Variants in ZNF202 observed in about 807,000 individuals in gnomAD.
The protein encoded by ZNF202 is zinc finger protein with KRAB and SCAN domains 10.
In ZNF202, 22 loss-of-function variants were observed where a neutral mutation model predicts 54.5. That is an observed-to-expected ratio of 0.40 (90% CI 0.29 to 0.58). The LOEUF (loss-of-function observed/expected upper bound fraction) is 0.58, where lower values mean the gene tolerates loss of function less well. Among genes scored for constraint, ZNF202 ranks in the 20% least tolerant of loss-of-function variants. The pLI is 0.39. For missense variants in ZNF202, 644 were observed against 805.5 expected, an observed-to-expected ratio of 0.80 and a Z score of 2.43; for synonymous variants, 294 against 301.4, an observed-to-expected ratio of 0.98 and a Z score of 0.26.
At chr11:123,728,301 C>A in intron 6 of ZNF202, 39 bp from the exon 7 acceptor site, 1 of 1,572,950 alleles carries the variant, frequency 6.4e-7, no homozygotes, top group Non-Finnish European at 8.6e-7. Flanking sequence ...CGTGATGCTA[C>A]GGGTAGCCTC....
At chr11:123,739,390 C>G (rs1861766245) in intron 3 of ZNF202, 1 of 152,104 alleles carries the variant, frequency 6.6e-6, no homozygotes, top group African/African-American at 2.4e-5. Flanking sequence ...CCACACTATT[C>G]AAGGTGCTGG....
chr11:123,726,710 G>A lies in ZNF202; in HGVS notation c.1234C>T (p.Leu412Phe), dbSNP rs1399024288. 9 of 1,614,236 alleles carry A rather than the reference G, an allele frequency of 5.6e-6. No homozygotes were observed. The highest frequency in any genetic ancestry group is 7.6e-6 in the Non-Finnish European group (9 of 1,180,040). The change falls in exon 9 of 9, where the codon CTT becomes TTT. Residue 412 changes from leucine to phenylalanine, a missense_variant. Around this residue, in one of 3 missense-constraint regions of ZNF202, gnomAD observed 536 missense variants for 635.3 expected, o/e 0.84. Coordinates refer to ENST00000530393, the MANE Select transcript of ZNF202 (RefSeq NM_003455.4). This position sits in a 1 kb window ranked among gnomAD's most constrained non-coding sequence, Gnocchi z 6.0. ...GTGTGAGTCCTCAGGTGTCTAACAA[G>A]GTGGGAGTTACAAGTGAAGCTCTTT... ...CGKSFTCNSH[L>F]VRHLRTHTGE...
rs981750439 is a variant in ZNF202 at position 123,725,571 on chromosome 11, A to C, written c.*426T>G. On this transcript the variant is annotated 3_prime_UTR_variant, in exon 9 of 9. Coordinates refer to ENST00000530393, the MANE Select transcript of ZNF202 (RefSeq NM_003455.4). ...GCTTTAAGATTTGACCCCAGTAAAGACAGAATCCTTCAGGCTCGTCCCTTC... is the reference window on the plus strand; with the variant it reads ...GCTTTAAGATTTGACCCCAGTAAAGCCAGAATCCTTCAGGCTCGTCCCTTC... The C allele has an allele frequency of 6.1e-6, 1 of 165,282 alleles. No individual in the cohort carries two copies. The highest frequency in any genetic ancestry group is 1.3e-5 in the Non-Finnish European group (1 of 74,942). 10.2% of individuals were successfully genotyped at this position (165,282 alleles called of 1,614,324 possible).
rs184177543 is a variant in ZNF202, at chr11:123,728,457, T to G, written c.703-195A>C. Among the ~76,000 whole-genome samples, 179 of 152,222 alleles carry G rather than the reference T, an allele frequency of 1.2e-3. 1 individual carries two copies. The highest frequency in any genetic ancestry group is 3.9e-3 in the African/African-American group (163 of 41,504). Reference sequence around the variant, plus strand: ...CCCTGCCCCCTCCAACTCCACCACTTTTCCTGAGGACCAGCTTATGTTCTT... The same window carrying G: ...CCCTGCCCCCTCCAACTCCACCACTGTTCCTGAGGACCAGCTTATGTTCTT... On this transcript the variant is annotated intron_variant, in intron 6 of 8. Transcript: ENST00000530393.
At position 123,726,182 on chromosome 11, in the gene ZNF202, C is replaced by T. The variant is rs770488010; in HGVS notation, c.1762G>A (p.Ala588Thr). Residue 588 changes from alanine to threonine, a missense_variant, in exon 9 of 9, where the codon GCC (alanine) becomes ACC (threonine). Ala to Thr is a moderately conservative substitution (Grantham distance 58). Transcript: ENST00000530393. The surrounding 1 kb of genome is among the most constrained non-coding windows in gnomAD (Gnocchi z 6.0). ...AAFAKHLRGH[A>T]SVRPCRCNEC... Reference sequence around the variant, plus strand: ...TTGCATCGGCAGGGCCTCACTGAGGCGTGTCCTCTCAAGTGCTTGGCGAAC... The same window carrying T: ...TTGCATCGGCAGGGCCTCACTGAGGTGTGTCCTCTCAAGTGCTTGGCGAAC... 2.8e-5 allele frequency: 46 copies of T among 1,614,084 alleles called. No individual in the cohort carries two copies. In the Admixed American group the frequency reaches 4.2e-4, roughly 15 times the overall value.
chr11:123,728,203 C>T lies in ZNF202; in HGVS notation c.762G>A (p.Leu254=), dbSNP rs376543321. The change falls in exon 7 of 9, where the codon CTG becomes CTA. Residue 254 remains leucine (L), a synonymous_variant. Coordinates refer to ENST00000530393, the MANE Select transcript of ZNF202 (RefSeq NM_003455.4). ...CATAGAACTCTTTCTGTGTTGGGTC[C>T]AGATCACTCCACTGGTCCTGGGAAA... ...VCFSQDQWSD[L]DPTQKEFYGE... 8 of 1,613,034 alleles carry T rather than the reference C, an allele frequency of 5.0e-6. No homozygotes were observed. The African/African-American group carries it at 9.3e-5, about 19-fold the overall frequency.
In ZNF202 at chr11:123,725,529, T is replaced by G. The variant is rs1861091709; in HGVS notation, c.*468A>C. 1 of 156,934 alleles carries G rather than the reference T, an allele frequency of 6.4e-6. No individual in the cohort carries two copies. The highest frequency in any genetic ancestry group is 1.9e-4 in the South Asian group (1 of 5,222). 9.7% of individuals were successfully genotyped at this position (156,934 alleles called of 1,614,324 possible). A position where few individuals can be genotyped will look rare whatever the true frequency, so the allele number is the denominator to read the frequency against. On this transcript the variant is annotated 3_prime_UTR_variant, in exon 9 of 9. Coordinates refer to ENST00000530393, the MANE Select transcript of ZNF202 (RefSeq NM_003455.4). ...CCATCAGGACGCAAACCTCCTGTCT[T>G]GAGTCCAGAGCTGTGTGCTTTAAGA...
At chr11:123,733,957 G>A (rs914996553) in intron 3 of ZNF202, among the ~76,000 whole-genome samples, 1 of 152,170 alleles carries the variant, frequency 6.6e-6, no homozygotes, top group Admixed American at 6.5e-5. Flanking sequence ...TGGAGTACCA[G>A]TATTAAAAGC....
At position 123,727,483 on chromosome 11, in the gene ZNF202, G is replaced by T; in HGVS notation, c.945C>A (p.Thr315=). The T allele has an allele frequency of 1.2e-6, 2 of 1,613,990 alleles. No homozygotes were observed. Among genetic ancestry groups the T allele is most frequent in the Non-Finnish European group, 1.7e-6 (2 of 1,179,960 alleles). ...ETQEPEILSF[T]YTGDRSKDEE... ...GTTTTTGTCATTCCTCACCTGTGTA[G>T]GTAAAACTCAGGATTTCTGGCTCTT... Residue 315 remains threonine (T), a synonymous_variant, in exon 8 of 9, where the codon ACC becomes ACA. Transcript: ENST00000530393.
chr11:123,728,000 C>A, intron 7 of ZNF202, 133 bp downstream of exon 7: 1 of 1,008,320 alleles, frequency 9.9e-7, no homozygotes, highest in Non-Finnish European at 1.4e-6. Context: ...TCACCTAATC[C>A]CTCAATTTTA....
rs780544535 is a variant in ZNF202 at position 123,729,085 on chromosome 11, TCAAA to T, written c.702+37_702+40del. The T allele has an allele frequency of 5.6e-6, 9 of 1,604,648 alleles. No individual in the cohort carries two copies. In the South Asian group the frequency reaches 6.7e-5, roughly 12 times the overall value. On this transcript the variant is annotated intron_variant, in intron 6 of 8. Transcript: ENST00000530393. ...AGTATGGCTTATGCCCAGTGGTTCT[TCAAA>T]CAAATTCTCTGTGGTACAGAGGTAA...
At chr11:123,732,255 G>C (rs1287216528) in intron 3 of ZNF202, among the ~76,000 whole-genome samples, 4 of 152,156 alleles carry the variant, frequency 2.6e-5, no homozygotes, top group Non-Finnish European at 5.9e-5. Context: ...AGCTCTCTTG[G>C]CAAACGTGCT....
intron 1 of ZNF202, among the ~76,000 whole-genome samples, chr11:123,740,839 C>G (rs1861830808): frequency 6.6e-6 from 1 of 152,212 alleles, no homozygotes; most frequent in Non-Finnish European, 1.5e-5. Flanking sequence ...TATACTCCTG[C>G]TAAAAGTAAC....
intron 3 of ZNF202, among the ~76,000 whole-genome samples, chr11:123,735,628 A>G (rs1565529144): frequency 6.6e-6 from 1 of 152,116 alleles, no homozygotes; most frequent in Non-Finnish European, 1.5e-5. Flanking sequence ...TCCCCAAGAA[A>G]CTGGAGCTTC....
chr11:123,726,976 T>TCGA lies in ZNF202; in HGVS notation c.967_968insTCG (p.Lys322_Asp323insVal). On this transcript the variant is annotated inframe_insertion, in exon 9 of 9. Coordinates refer to ENST00000530393, the MANE Select transcript of ZNF202 (RefSeq NM_003455.4). This position sits in a 1 kb window ranked among gnomAD's most constrained non-coding sequence, Gnocchi z 6.0. ...TTCCTGCTCCAGACACTCTTCCTCA[T>TCGA]CTTTACTCCTATCTCCTGTAGAAAG... The TCGA allele has an allele frequency of 6.2e-7, 1 of 1,612,444 alleles. No homozygotes were observed. Among genetic ancestry groups the TCGA allele is most frequent in the Non-Finnish European group, 8.5e-7 (1 of 1,179,544 alleles).
At position 123,726,159 on chromosome 11, in the gene ZNF202, G is replaced by A; in HGVS notation, c.1785C>T (p.Cys595=). ...GACTGAAGCTCTTCCCACATTCGTT[G>A]CATCGGCAGGGCCTCACTGAGGCGT... The part of the protein sequence containing the change: ...RGHASVRPCR[C]NECGKSFSRR... Residue 595 remains cysteine (C), a synonymous_variant, in exon 9 of 9, where the codon TGC becomes TGT. Transcript: ENST00000530393. The surrounding 1 kb of genome is among the most constrained non-coding windows in gnomAD (Gnocchi z 6.0). The A allele has an allele frequency of 6.2e-7, 1 of 1,614,240 alleles. No individual in the cohort carries two copies. The highest frequency in any genetic ancestry group is 2.2e-5 in the East Asian group (1 of 44,874).
chr11:123,731,450 G>A (rs1465841603), intron 3 of ZNF202, among the ~76,000 whole-genome samples: 2 of 152,192 alleles, frequency 1.3e-5, no homozygotes, highest in Non-Finnish European at 2.9e-5. Context: ...CAGACACTCT[G>A]ATTCAGTCAA....
rs1861366878 is a variant in ZNF202 at position 123,730,671 on chromosome 11, T to C, written c.218A>G (p.Gln73Arg). The stretch of plus-strand genomic sequence containing the variant: ...TGTCCGCCTCTCTGGTCTCAGCCAC[T>C]GGTGACAAAGTTCTCGGAGTCTGAT... Reference protein sequence around the residue: ...ALIRLRELCHQWLRPERRTKE... With the variant: ...ALIRLRELCHRWLRPERRTKE... The change falls in exon 4 of 9, where the codon CAG becomes CGG. Residue 73 changes from glutamine (Q) to arginine (R), a missense_variant. Coordinates refer to ENST00000530393, the MANE Select transcript of ZNF202 (RefSeq NM_003455.4). The surrounding 1 kb of genome is among the most constrained non-coding windows in gnomAD (Gnocchi z 6.0). 1.2e-6 allele frequency: 2 copies of C among 1,614,090 alleles called. No individual in the cohort carries two copies. Among genetic ancestry groups the C allele is most frequent in the East Asian group, 2.2e-5 (1 of 44,870 alleles).
chr11:123,726,251 A>G lies in ZNF202; in HGVS notation c.1693T>C (p.Tyr565His). The G allele has an allele frequency of 1.9e-6, 3 of 1,614,204 alleles. No individual in the cohort carries two copies. The highest frequency in any genetic ancestry group is 2.5e-6 in the Non-Finnish European group (3 of 1,180,032). The change falls in exon 9 of 9, where the codon TAC becomes CAC. Residue 565 changes from tyrosine (Y) to histidine (H), a missense_variant. Transcript: ENST00000530393. The surrounding 1 kb of genome is among the most constrained non-coding windows in gnomAD (Gnocchi z 6.0). Reference sequence around the variant, plus strand: ...CAGCGCCCGCACTCGCTGCAGAGGTAGAGTTCCTCAGCAGCGTGCGTCTTC... The same window carrying G: ...CAGCGCCCGCACTCGCTGCAGAGGTGGAGTTCCTCAGCAGCGTGCGTCTTC... ...HRKTHAAEEL[Y>H]LCSECGRCFT...
Sources: allele counts gnomAD v4.1 joint callset (sites outside exome capture counted in the v4.1 genomes callset), GRCh38; gene constraint gnomAD v4.1.1; regional missense constraint gnomAD v4.1.1; non-coding constraint Gnocchi (gnomAD v3.1); transcripts MANE v1.5; gene names NCBI Gene and HGNC (gene_info 2026-07-23, HGNC 2026-07-21).